TOX3: variants seen among roughly 807,000 people sequenced by gnomAD.
TOX3 encodes CAG trinucleotide repeat-containing gene F9 protein.
Under a neutral mutation model 64.3 loss-of-function variants are expected in TOX3, and 22 were observed. The observed-to-expected ratio is 0.34, with a 90% CI of 0.24 to 0.49. The LOEUF (loss-of-function observed/expected upper bound fraction) is 0.49, where lower values mean the gene tolerates loss of function less well. Ranked by LOEUF, TOX3 falls within the 20% of genes least tolerant of loss-of-function variation. The pLI, the probability that TOX3 is intolerant of heterozygous loss-of-function variation, is 0.99. For missense variants in TOX3, 661 were observed against 714.4 expected (o/e 0.93, Z 0.85); for synonymous variants, 291 against 273.6 (o/e 1.06, Z -0.63).
chr16:52,458,296 C>T (rs1486726447), intron 3 of TOX3, among the ~76,000 whole-genome samples: 1 of 152,132 alleles, frequency 6.6e-6, no homozygotes, highest in African/African-American at 2.4e-5. Context: ...CTTCCTGGAG[C>T]TTCTATTCTG....
At position 52,445,794 on chromosome 16, in the gene TOX3, C is replaced by T. The variant is rs1403693007; in HGVS notation, c.906+200G>A. The T allele has an allele frequency of 3.3e-5, 19 of 578,120 alleles. No individual in the cohort carries two copies. In the East Asian group the frequency reaches 5.5e-4, roughly 17 times the overall value. The allele number at this position is 578,120 out of a possible 1,614,324, so 35.8% of individuals were successfully genotyped here. On this transcript the variant is annotated intron_variant, in intron 5 of 6. Coordinates refer to ENST00000219746, the MANE Select transcript of TOX3 (RefSeq NM_001080430.4). ...CCTCTGAATGGGTTCTGAACATGCA[C>T]CCATAAGCTGACAGAGAAATCAATA...
At position 52,546,734 on chromosome 16, in the gene TOX3, GGCCC is replaced by G; in HGVS notation, c.-15_-12del. 6.6e-7 allele frequency: 1 copy of G among 1,506,672 alleles called. No individual in the cohort carries two copies. Among genetic ancestry groups the G allele is most frequent in the Non-Finnish European group, 8.8e-7 (1 of 1,132,556 alleles). 93.3% of individuals were successfully genotyped at this position (1,506,672 alleles called of 1,614,324 possible). A position where few individuals can be genotyped will look rare whatever the true frequency, so the allele number is the denominator to read the frequency against. ...GAACCTCACATCCATGCCGAAGCTG[GGCCC>G]GGGGCCGGGGGCCGGGACTGGGGTT... is the stretch of plus-strand genomic sequence containing the variant. On this transcript the variant is annotated 5_prime_UTR_variant, in exon 1 of 7. Coordinates refer to ENST00000219746, the MANE Select transcript of TOX3 (RefSeq NM_001080430.4).
At chr16:52,516,033 T>C (rs1383680158) in intron 1 of TOX3, among the ~76,000 whole-genome samples, 1 of 152,192 alleles carries the variant, frequency 6.6e-6, no homozygotes, top group African/African-American at 2.4e-5. Flanking sequence ...CATATACTTG[T>C]TTTAAAAAAA....
At chr16:52,536,345 T>C (rs1487225855) in intron 1 of TOX3, among the ~76,000 whole-genome samples, 7 of 151,706 alleles carry the variant, frequency 4.6e-5, no homozygotes. Flanking sequence ...GAAGGTGATA[T>C]CTGGGCTCAG....
intron 1 of TOX3, among the ~76,000 whole-genome samples, chr16:52,501,185 A>G (rs991155118): frequency 5.3e-5 from 8 of 152,006 alleles, no homozygotes; most frequent in Admixed American, 4.6e-4. Flanking sequence ...CTACATGATG[A>G]TGATGCAGAC....
chr16:52,504,466 CAAAA>C (rs71141197), intron 1 of TOX3, among the ~76,000 whole-genome samples: 3 of 94,076 alleles, frequency 3.2e-5, no homozygotes, highest in African/African-American at 4.5e-5. Context: ...GACTCCGTCT[CAAAA>C]AAAAAAAAAA....
At chr16:52,468,343 A>C (rs1380722646) in intron 2 of TOX3, among the ~76,000 whole-genome samples, 166 bp downstream of exon 2, 1 of 152,190 alleles carries the variant, frequency 6.6e-6, no homozygotes, top group African/African-American at 2.4e-5. Context: ...TAAAAGACTT[A>C]TCAGGTTTTC....
At chr16:52,540,696 C>A (rs570705268) in intron 1 of TOX3, among the ~76,000 whole-genome samples, 1 of 152,192 alleles carries the variant, frequency 6.6e-6, no homozygotes, top group African/African-American at 2.4e-5. Flanking sequence ...AGAGAAAGTA[C>A]TCATTTGTGA....
At chr16:52,525,587 C>T (rs1962711262) in intron 1 of TOX3, among the ~76,000 whole-genome samples, 1 of 152,112 alleles carries the variant, frequency 6.6e-6, no homozygotes, top group South Asian at 2.1e-4. Context: ...AAGGCAATAA[C>T]TAAAAAGAGG....
intron 1 of TOX3, among the ~76,000 whole-genome samples, chr16:52,479,289 T>C (rs1029444054): frequency 6.6e-6 from 1 of 152,108 alleles, no homozygotes; most frequent in Non-Finnish European, 1.5e-5. Context: ...GAAATGAAGA[T>C]GTATGCATTC....
At chr16:52,459,755 A>T (rs145239611) in intron 3 of TOX3, among the ~76,000 whole-genome samples, 425 of 152,340 alleles carry the variant, frequency 2.8e-3, no homozygotes, top group African/African-American at 9.9e-3. Context: ...TCTGTAACAC[A>T]TTAAGCAACG....
intron 1 of TOX3, among the ~76,000 whole-genome samples, chr16:52,480,211 T>G (rs1961332361): frequency 6.6e-6 from 1 of 152,214 alleles, no homozygotes; most frequent in African/African-American, 2.4e-5. Context: ...TTAAAGACAC[T>G]TGTTACTAAG....
intron 6 of TOX3, 132 bp from the exon 7 acceptor site, chr16:52,440,100 T>G: frequency 1.4e-6 from 1 of 715,858 alleles, no homozygotes. Context: ...ATGTGTACTC[T>G]TTGTCTTGTG....
rs147213203 is a variant in TOX3, at chr16:52,463,976, G to A, written c.366C>T (p.Leu122=). 334 of 1,589,670 alleles carry A rather than the reference G, an allele frequency of 2.1e-4. No individual in the cohort carries two copies. The African/African-American group carries it at 3.6e-3, about 17-fold the overall frequency. Reference sequence around the variant, plus strand: ...TATGAAGCACGCCATCTTGTTCCACGAGATTTCTTGAGATTGTAATGGAAG... The same window carrying A: ...TATGAAGCACGCCATCTTGTTCCACAAGATTTCTTGAGATTGTAATGGAAG... The part of the protein sequence containing the change: ...DLPSITISRN[L]VEQDGVLHSS... Residue 122 remains leucine (L), a synonymous_variant, in exon 3 of 7, where the codon CTC becomes CTT. Coordinates refer to ENST00000219746, the MANE Select transcript of TOX3 (RefSeq NM_001080430.4).
intron 1 of TOX3, among the ~76,000 whole-genome samples, chr16:52,536,260 G>A (rs977973215): frequency 3.2e-4 from 49 of 152,032 alleles, no homozygotes; most frequent in Admixed American, 2.8e-3. Flanking sequence ...TATGAAGGTA[G>A]AGAGATATTA....
At chr16:52,527,401 G>A (rs747476242) in intron 1 of TOX3, among the ~76,000 whole-genome samples, 6 of 152,158 alleles carry the variant, frequency 3.9e-5, no homozygotes, top group Admixed American at 6.5e-5. Flanking sequence ...CTTAGTCCAA[G>A]CACCCAGAGA....
intron 1 of TOX3, among the ~76,000 whole-genome samples, chr16:52,492,898 CA>C (rs71777089): frequency 0.26 from 34,793 of 132,366 alleles, 4,516 homozygotes; most frequent in South Asian, 0.41. Flanking sequence ...AACCCAACTG[CA>C]AAAAAAAAAA....
rs1378596561 is a variant in TOX3 at position 52,478,522 on chromosome 16, G to A, written c.88-9948C>T. Among the ~76,000 whole-genome samples, 3 of 152,244 alleles carry A rather than the reference G, an allele frequency of 2.0e-5. No homozygotes were observed. In the East Asian group the frequency reaches 5.8e-4, roughly 29 times the overall value. On this transcript the variant is annotated intron_variant, in intron 1 of 6. Transcript: ENST00000219746. ...ACAAAGTCACTCATCACTGACTAAT[G>A]TACTGGATTTATTTGTCCATTCACT...
At chr16:52,543,230 C>G (rs8052175) in intron 1 of TOX3, among the ~76,000 whole-genome samples, 1 of 151,850 alleles carries the variant, frequency 6.6e-6, no homozygotes. Flanking sequence ...ATCTGAAATG[C>G]TTAGATCTAG....
Sources: gnomAD v4.1 joint callset for allele counts (sites outside exome capture counted in the v4.1 genomes callset) on GRCh38, gnomAD v4.1.1 for gene constraint, MANE v1.5 for transcripts, NCBI Gene and HGNC (gene_info 2026-07-23, HGNC 2026-07-21) for gene names.